Variants in SNX29 observed in about 807,000 individuals in gnomAD.
SNX29 encodes the protein sorting nexin 29.
In SNX29, 78 loss-of-function variants were observed where a neutral mutation model predicts 102.1. The observed-to-expected ratio is 0.76, with a 90% CI of 0.64 to 0.92. The LOEUF (loss-of-function observed/expected upper bound fraction) is 0.92, where lower values mean the gene tolerates loss of function less well. Ranked by LOEUF, SNX29 falls within the 40% of genes least tolerant of loss-of-function variation. The pLI is 0.00. For missense variants in SNX29, 1,280 were observed against 1,061.7 expected (o/e 1.21, Z -2.86); for synonymous variants, 580 against 414.5 (o/e 1.40, Z -4.85).
chr16:12,307,772 A>G (rs963616748), intron 15 of SNX29, among the ~76,000 whole-genome samples: 15 of 152,236 alleles, frequency 9.9e-5, no homozygotes, highest in African/African-American at 3.4e-4. Context: ...GCTGGTAGGC[A>G]CCAATGTAGC....
chr16:12,536,218 A>G (rs1032649427), intron 20 of SNX29, among the ~76,000 whole-genome samples: 1 of 152,178 alleles, frequency 6.6e-6, no homozygotes, highest in Non-Finnish European at 1.5e-5. Context: ...CTGAGTAAGA[A>G]CAGGATTTCA....
chr16:12,443,159 C>G (rs992465166), intron 18 of SNX29: 1 of 392,380 alleles, frequency 2.5e-6, no homozygotes, highest in Non-Finnish European at 5.0e-6. Context: ...CCTGCGTGGG[C>G]TTTCTCTGTC....
intron 18 of SNX29, among the ~76,000 whole-genome samples, chr16:12,431,907 C>G (rs1200896390): frequency 6.6e-6 from 1 of 152,204 alleles, no homozygotes; most frequent in Non-Finnish European, 1.5e-5. Context: ...AACCAGTGAA[C>G]CCACGAACAA....
chr16:12,169,842 C>T (rs974096057), intron 13 of SNX29, among the ~76,000 whole-genome samples: 61 of 151,958 alleles, frequency 4.0e-4, no homozygotes, highest in African/African-American at 1.4e-3. Flanking sequence ...AGCCTGGGGA[C>T]CATCCAGGGT....
chr16:12,318,436 C>T (rs961914575), intron 15 of SNX29, among the ~76,000 whole-genome samples: 3 of 152,112 alleles, frequency 2.0e-5, no homozygotes, highest in Non-Finnish European at 2.9e-5. Context: ...GAGTCGGGAA[C>T]GTGACTTGGA....
At chr16:12,545,367 C>T (rs181647689) in intron 20 of SNX29, 1 of 152,164 alleles carries the variant, frequency 6.6e-6, no homozygotes, top group African/African-American at 2.4e-5. Context: ...GAGTGACAAC[C>T]CATTGTCACA....
At chr16:12,532,653 T>C (rs2076963040) in intron 20 of SNX29, among the ~76,000 whole-genome samples, 1 of 152,172 alleles carries the variant, frequency 6.6e-6, no homozygotes, top group Non-Finnish European at 1.5e-5. Context: ...AAACGTGGAA[T>C]TGGCTGACAT....
At chr16:12,553,335 C>T (rs867375755) in intron 20 of SNX29, among the ~76,000 whole-genome samples, 1 of 152,208 alleles carries the variant, frequency 6.6e-6, no homozygotes, top group Admixed American at 6.5e-5. Context: ...ACAAGGCAGG[C>T]AGAGAAACCA....
At chr16:12,402,432 T>G (rs561338385) in intron 17 of SNX29, among the ~76,000 whole-genome samples, 5 of 152,342 alleles carry the variant, frequency 3.3e-5, no homozygotes, top group African/African-American at 9.6e-5. Context: ...GAGAAAGCAT[T>G]TAGCCCTGGA....
intron 13 of SNX29, among the ~76,000 whole-genome samples, chr16:12,160,718 G>A (rs764625845): frequency 1.4e-4 from 22 of 152,118 alleles, no homozygotes; most frequent in Non-Finnish European, 3.2e-4. Context: ...ATATCTTAAG[G>A]AAGATTAGAA....
chr16:12,110,830 T>C (rs1222528402), intron 11 of SNX29, among the ~76,000 whole-genome samples: 1 of 145,604 alleles, frequency 6.9e-6, no homozygotes, highest in Non-Finnish European at 1.5e-5. Flanking sequence ...TCTTTTTTAA[T>C]TTTTTTTTTT....
At chr16:12,018,024 G>C (rs2056901906) in intron 3 of SNX29, among the ~76,000 whole-genome samples, 1 of 152,042 alleles carries the variant, frequency 6.6e-6, no homozygotes, top group Admixed American at 6.6e-5. Context: ...TCCTGCCTCA[G>C]CCTCCCAGGT....
chr16:12,566,228 T>TC (rs1200666846), intron 20 of SNX29, among the ~76,000 whole-genome samples: 1 of 152,154 alleles, frequency 6.6e-6, no homozygotes, highest in Non-Finnish European at 1.5e-5. Context: ...ATGGTTGTCA[T>TC]CCCCAAATGA....
chr16:12,569,325 C>A lies in SNX29; in HGVS notation c.*696C>A. ...GGCTTCAGGAAGGACCAGTGCCCTC[C>A]ATAGCCTGAGGCCACCTAGGCCCTC... is the stretch of plus-strand genomic sequence containing the variant. On this transcript the variant is annotated 3_prime_UTR_variant, in exon 21 of 21. Transcript: ENST00000566228. The A allele has an allele frequency of 4.3e-6, 1 of 229,992 alleles. No individual in the cohort carries two copies. The allele number at this position is 229,992 out of a possible 1,614,324, so 14.2% of individuals were successfully genotyped here. A position where few individuals can be genotyped will look rare whatever the true frequency, so the allele number is the denominator to read the frequency against.
intron 2 of SNX29, 132 bp downstream of exon 2, chr16:11,999,490 C>T (rs192432830): frequency 1.1e-6 from 1 of 880,080 alleles, no homozygotes; most frequent in African/African-American, 1.7e-5. Context: ...GTGATCTACT[C>T]ATTTTTCCCA....
At chr16:12,405,524 G>T (rs1224603242) in intron 18 of SNX29, among the ~76,000 whole-genome samples, 1 of 152,182 alleles carries the variant, frequency 6.6e-6, no homozygotes, top group African/African-American at 2.4e-5. Flanking sequence ...TCCTGATGCT[G>T]GGGTGTGTGA....
rs2079220064 is a variant in SNX29 at position 12,572,990 on chromosome 16, A to G, written c.*4361A>G. On this transcript the variant is annotated 3_prime_UTR_variant, in exon 21 of 21. Transcript: ENST00000566228. ...TTTTCAAAATATTGTGCATTAATTC[A>G]TTAAAGCTACTGTTAAATATTTGCT... The G allele has an allele frequency of 2.6e-6, 1 of 377,692 alleles. No homozygotes were observed. 23.4% of individuals were successfully genotyped at this position (377,692 alleles called of 1,614,324 possible).
chr16:12,371,719 T>C lies in SNX29; in HGVS notation c.1899+15440T>C, dbSNP rs546023885. Reference sequence around the variant, plus strand: ...TCCTGTGGGAATCGCCACACTGTCCTGTTAGAGCAAAGCTTGCAGCCAACT... The same window carrying C: ...TCCTGTGGGAATCGCCACACTGTCCCGTTAGAGCAAAGCTTGCAGCCAACT... On this transcript the variant is annotated intron_variant, in intron 16 of 20. Coordinates refer to ENST00000566228, the MANE Select transcript of SNX29 (RefSeq NM_032167.5). 4.6e-5 allele frequency among the ~76,000 whole-genome samples: 7 copies of C among 152,354 alleles called. 1 individual carries two copies. The highest frequency in any genetic ancestry group is 1.2e-4 in the African/African-American group (5 of 41,582).
chr16:12,457,083 C>T (rs900564918), intron 18 of SNX29, among the ~76,000 whole-genome samples: 3 of 152,336 alleles, frequency 2.0e-5, no homozygotes, highest in Admixed American at 1.3e-4. Context: ...CCCTTTTCTT[C>T]TCCTTACTAA....
Sources: allele counts gnomAD v4.1 joint callset (sites outside exome capture counted in the v4.1 genomes callset), GRCh38; gene constraint gnomAD v4.1.1; transcripts MANE v1.5; gene names NCBI Gene and HGNC (gene_info 2026-07-23, HGNC 2026-07-21).